DNAH14: variants seen among roughly 807,000 people sequenced by gnomAD.
The protein encoded by DNAH14 is dynein axonemal heavy chain 14, also known as axonemal beta dynein heavy chain 14.
In DNAH14, 478 loss-of-function variants were observed where a neutral mutation model predicts 520.9. The ratio of observed to expected loss-of-function variants is 0.92; its 90% CI spans 0.85 to 0.99. The LOEUF is 0.99. Ranked by LOEUF, DNAH14 falls within the 50% of genes least tolerant of loss-of-function variation. The probability of loss-of-function intolerance (pLI) is 0.00; values close to 1 mark genes in which losing one functional copy is unlikely to be tolerated. For missense variants in DNAH14, 4,831 were observed against 5,234.5 expected (o/e 0.92, Z 2.38); for synonymous variants, 1,581 against 1,757.2 (o/e 0.90, Z 2.51).
intron 1 of DNAH14, among the ~76,000 whole-genome samples, chr1:224,950,333 G>C (rs555941242): frequency 1.3e-5 from 2 of 152,002 alleles, no homozygotes; most frequent in Admixed American, 6.6e-5. Context: ...GGTATTATGG[G>C]TGATATTTTT....
intron 34 of DNAH14, 71 bp downstream of exon 34, chr1:225,153,897 G>T (rs568078843): frequency 4.2e-6 from 5 of 1,182,776 alleles, no homozygotes; most frequent in South Asian, 1.5e-5. Flanking sequence ...GTAGAATTAC[G>T]GGTGATGATG....
intron 27 of DNAH14, among the ~76,000 whole-genome samples, chr1:225,131,292 C>G (rs1369375786): frequency 6.6e-6 from 1 of 152,098 alleles, no homozygotes; most frequent in African/African-American, 2.4e-5. Context: ...AGAAGGCCAA[C>G]CCACAGGTCT....
intron 23 of DNAH14, among the ~76,000 whole-genome samples, chr1:225,109,283 G>C (rs2076308113): frequency 6.6e-6 from 1 of 152,072 alleles, no homozygotes; most frequent in South Asian, 2.1e-4. Context: ...GGACTGCATT[G>C]ACTCTGTACA....
intron 36 of DNAH14, among the ~76,000 whole-genome samples, chr1:225,180,964 C>T (rs1259436235): frequency 6.6e-6 from 1 of 152,052 alleles, no homozygotes; most frequent in Non-Finnish European, 1.5e-5. Flanking sequence ...TTTTTTCAAC[C>T]CTTGCTCCCT....
At chr1:225,334,767 G>A (rs1478549128) in intron 66 of DNAH14, among the ~76,000 whole-genome samples, 1 of 151,802 alleles carries the variant, frequency 6.6e-6, no homozygotes, top group Non-Finnish European at 1.5e-5. Context: ...TACTTAGGAG[G>A]CTGAGGTGGG....
Position 224,931,246 on chromosome 1 carries a change from G to A in DNAH14, c.-34+1411G>A, listed in dbSNP as rs532461279. Among the ~76,000 whole-genome samples the A allele has an allele frequency of 9.2e-5, 14 of 152,220 alleles. No homozygotes were observed. In the South Asian group the frequency reaches 2.7e-3, roughly 29 times the overall value. On this transcript the variant is annotated intron_variant, in intron 1 of 85. Coordinates refer to ENST00000682510, the MANE Select transcript of DNAH14 (RefSeq NM_001367479.1). ...ATAAAGGAAATATTTCTATACAGCT[G>A]TACAATGTGTGTTTTAAGCTCAGTG...
intron 32 of DNAH14, 67 bp from the exon 33 acceptor site, chr1:225,152,630 A>G (rs1295351213): frequency 2.9e-6 from 4 of 1,365,472 alleles, no homozygotes; most frequent in Admixed American, 2.7e-5. Flanking sequence ...GGGGAAAAGT[A>G]TGTGATTCCT....
At chr1:224,942,942 C>G (rs1043924134) in intron 1 of DNAH14, among the ~76,000 whole-genome samples, 5 of 152,144 alleles carry the variant, frequency 3.3e-5, no homozygotes, top group African/African-American at 1.2e-4. Flanking sequence ...CGATGTTCAT[C>G]GGGGATATTG....
At chr1:225,155,761 C>T (rs766451841) in intron 34 of DNAH14, among the ~76,000 whole-genome samples, 3 of 152,166 alleles carry the variant, frequency 2.0e-5, no homozygotes, top group Admixed American at 6.5e-5. Context: ...GCTCCCTTCT[C>T]TCTAGTCTGT....
intron 21 of DNAH14, 52 bp from the exon 22 acceptor site, chr1:225,097,062 TAAAG>T: frequency 7.1e-7 from 1 of 1,416,740 alleles, no homozygotes; most frequent in Non-Finnish European, 9.4e-7. Context: ...ATGTAACTCT[TAAAG>T]AATAATTTTA....
intron 28 of DNAH14, among the ~76,000 whole-genome samples, chr1:225,142,579 T>C (rs2149034362): frequency 6.6e-6 from 1 of 152,150 alleles, no homozygotes; most frequent in Middle Eastern, 3.4e-3. Context: ...GATCCCAAGG[T>C]TTGGTAAGTG....
At chr1:225,164,398 T>C (rs2081841826) in intron 35 of DNAH14, among the ~76,000 whole-genome samples, 1 of 152,192 alleles carries the variant, frequency 6.6e-6, no homozygotes, top group Non-Finnish European at 1.5e-5. Context: ...ATATCTTTGT[T>C]TGAACTGTCT....
chr1:225,005,634 C>T (rs2064108290), intron 9 of DNAH14, among the ~76,000 whole-genome samples: 1 of 151,976 alleles, frequency 6.6e-6, no homozygotes, highest in African/African-American at 2.4e-5. Flanking sequence ...AAATTTTAAG[C>T]AAGAGCAGTA....
At chr1:225,184,074 A>G (rs926747933) in intron 36 of DNAH14, among the ~76,000 whole-genome samples, 1 of 152,194 alleles carries the variant, frequency 6.6e-6, no homozygotes, top group African/African-American at 2.4e-5. Flanking sequence ...CTCATTATAT[A>G]AAATCAGTAT....
At chr1:225,283,865 G>A (rs1004169654) in intron 54 of DNAH14, among the ~76,000 whole-genome samples, 12 of 152,074 alleles carry the variant, frequency 7.9e-5, no homozygotes, top group African/African-American at 2.9e-4. Flanking sequence ...AAATTAGAAA[G>A]TTTCCAACAA....
intron 23 of DNAH14, among the ~76,000 whole-genome samples, chr1:225,112,983 C>A (rs1048859892): frequency 3.9e-5 from 6 of 151,972 alleles, no homozygotes; most frequent in Admixed American, 2.6e-4. Context: ...GGGTTGGTCC[C>A]TGGAGGCTTA....
chr1:225,152,190 C>G, intron 32 of DNAH14, 117 bp downstream of exon 32: 1 of 825,758 alleles, frequency 1.2e-6, no homozygotes. Flanking sequence ...CTCCACCATC[C>G]TCTGAACACT....
In DNAH14 at chr1:225,140,785, T is replaced by C. The variant is rs2079382608; in HGVS notation, c.4272T>C (p.Tyr1424=). 1.3e-6 allele frequency: 2 copies of C among 1,541,354 alleles called. No individual in the cohort carries two copies. Among genetic ancestry groups the C allele is most frequent in the African/African-American group, 1.4e-5 (1 of 72,824 alleles). The change falls in exon 28 of 86, where the codon TAT becomes TAC. Residue 1424 remains tyrosine (Y), a synonymous_variant. Transcript: ENST00000682510. ...TTTTTCAGAGCCAGATCATGTTTTA[T>C]AATGATTGTGTTAAAAGTTTTGTGA... ...VVLTVSQIMF[Y]NDCVKSFVSS...
At chr1:224,937,919 T>C (rs1034662214) in intron 1 of DNAH14, among the ~76,000 whole-genome samples, 1 of 152,136 alleles carries the variant, frequency 6.6e-6, no homozygotes, top group African/African-American at 2.4e-5. Context: ...AACTGATCTT[T>C]GACAAAGTCA....
Sources: gnomAD v4.1 joint callset for allele counts (sites outside exome capture counted in the v4.1 genomes callset) on GRCh38, gnomAD v4.1.1 for gene constraint, MANE v1.5 for transcripts, NCBI Gene and HGNC (gene_info 2026-07-23, HGNC 2026-07-21) for gene names.